ANKRD11: variants seen among roughly 807,000 people sequenced by gnomAD.
ANKRD11 encodes ankyrin repeat domain-containing protein 11.
In ANKRD11, 17 loss-of-function variants were observed where a neutral mutation model predicts 195.7. The observed-to-expected ratio is 0.09, with a 90% CI of 0.06 to 0.13. ANKRD11 has a LOEUF of 0.13. Ranked by LOEUF, ANKRD11 falls within the 10% of genes least tolerant of loss-of-function variation. The pLI is 1.00. For missense variants in ANKRD11, 3,735 were observed against 3,566.1 expected (o/e 1.05, Z -1.21); for synonymous variants, 1,953 against 1,528.1 (o/e 1.28, Z -6.49).
At chr16:89,300,843 T>C (rs777546835) in intron 4 of ANKRD11, 12 of 701,686 alleles carry the variant, frequency 1.7e-5, no homozygotes, top group Non-Finnish European at 2.9e-5. Context: ...AAGAAAATCA[T>C]AATTTTTCCC....
At position 89,305,191 on chromosome 16, in the gene ANKRD11, G is replaced by T; in HGVS notation, c.226+15C>A. ...CTGTGGAGGGCTGACTGCAGGAGGG[G>T]CCGCGGGCTGGTACCTGTGTCCGAG... On this transcript the variant is annotated intron_variant, in intron 4 of 12. Coordinates refer to ENST00000301030, the MANE Select transcript of ANKRD11 (RefSeq NM_013275.6). 6.2e-7 allele frequency: 1 copy of T among 1,609,438 alleles called. No homozygotes were observed.
Position 89,434,060 on chromosome 16 carries a change from C to T in ANKRD11, c.-144-15692G>A, listed in dbSNP as rs560840429. On this transcript the variant is annotated intron_variant, in intron 1 of 12. Transcript: ENST00000301030. ...TGTCACCTACAGAGAAGGGAGGATG[C>T]CCACCTACCCTGCCTGGCCTGCACC... Among the ~76,000 whole-genome samples, 11 of 152,244 alleles carry T rather than the reference C, an allele frequency of 7.2e-5. No homozygotes were observed. In the East Asian group the frequency reaches 1.9e-3, roughly 27 times the overall value.
At chr16:89,339,843 C>T (rs1432899784) in intron 2 of ANKRD11, 1 of 152,174 alleles carries the variant, frequency 6.6e-6, no homozygotes, top group African/African-American at 2.4e-5. Flanking sequence ...TGGGGCTAAG[C>T]ATTCCTCTCG....
intron 1 of ANKRD11, among the ~76,000 whole-genome samples, chr16:89,447,989 G>C (rs917223334): frequency 6.6e-6 from 1 of 151,506 alleles, no homozygotes; most frequent in Non-Finnish European, 1.5e-5. Flanking sequence ...ATTTTTAGTA[G>C]AGACAGGGTT....
intron 2 of ANKRD11, among the ~76,000 whole-genome samples, chr16:89,367,306 C>T (rs888777396): frequency 2.0e-5 from 3 of 152,230 alleles, no homozygotes; most frequent in African/African-American, 7.2e-5. Flanking sequence ...GCTGGCCCAG[C>T]AGTACCGGGA....
intron 1 of ANKRD11, among the ~76,000 whole-genome samples, chr16:89,445,905 AT>A (rs2043763859): frequency 6.6e-6 from 1 of 151,102 alleles, no homozygotes; most frequent in African/African-American, 2.4e-5. Context: ...AGAGGCAGAC[AT>A]TGTGGTGAGC....
intron 2 of ANKRD11, among the ~76,000 whole-genome samples, chr16:89,387,921 A>C (rs919717778): frequency 5.4e-5 from 8 of 148,180 alleles, no homozygotes; most frequent in Non-Finnish European, 8.9e-5. Context: ...GAGGCAGGAG[A>C]ATCGCTTCTT....
In ANKRD11 at chr16:89,370,244, G is replaced by A. The variant is rs184647430; in HGVS notation, c.-60+48040C>T. Among the ~76,000 whole-genome samples the A allele has an allele frequency of 2.1e-3, 319 of 152,346 alleles. 2 individuals are homozygous for A. Among genetic ancestry groups the A allele is most frequent in the African/African-American group, 7.4e-3 (308 of 41,586 alleles). ...AGGCGAGGGGAGCCCATGTCCAGGG[G>A]TGGCCAGCCTGCACTTTAGTGTGGG... is the stretch of plus-strand genomic sequence containing the variant. On this transcript the variant is annotated intron_variant, in intron 2 of 12. Coordinates refer to ENST00000301030, the MANE Select transcript of ANKRD11 (RefSeq NM_013275.6).
At chr16:89,460,622 AGC>A (rs1406560118) in intron 1 of ANKRD11, among the ~76,000 whole-genome samples, 1 of 152,172 alleles carries the variant, frequency 6.6e-6, no homozygotes, top group Non-Finnish European at 1.5e-5. Context: ...ATGTAATCTC[AGC>A]ACTATGGAAG....
chr16:89,451,613 C>T (rs539424384), intron 1 of ANKRD11, among the ~76,000 whole-genome samples: 62 of 152,092 alleles, frequency 4.1e-4, no homozygotes, highest in Non-Finnish European at 7.2e-4. Flanking sequence ...GACAGAATTT[C>T]GCAGTGTTGG....
chr16:89,304,508 A>G (rs1056939957), intron 4 of ANKRD11, among the ~76,000 whole-genome samples: 3 of 151,738 alleles, frequency 2.0e-5, no homozygotes, highest in Non-Finnish European at 4.4e-5. Context: ...GCACGCATAC[A>G]CAGGCACACA....
chr16:89,281,684 G>T lies in ANKRD11; in HGVS notation c.4858C>A (p.Leu1620Ile), dbSNP rs760243743. ...TCTGCCGGCTTCGCCTTCTCCTTGA[G>T]CTTGGGGTCTCCGGACCGGTGCCTC... ...KLRHRSGDPK[L>I]KEKAKPADDG... Residue 1620 changes from leucine to isoleucine, a missense_variant, in exon 9 of 13, where the codon CTC (leucine) becomes ATC (isoleucine). Coordinates refer to ENST00000301030, the MANE Select transcript of ANKRD11 (RefSeq NM_013275.6). This position sits in a 1 kb window ranked among gnomAD's most constrained non-coding sequence, Gnocchi z 5.5. 4 of 1,614,040 alleles carry T rather than the reference G, an allele frequency of 2.5e-6. No homozygotes were observed. The African/African-American group carries it at 5.3e-5, about 22-fold the overall frequency.
chr16:89,369,729 A>G (rs1309567960), intron 2 of ANKRD11, among the ~76,000 whole-genome samples: 1 of 152,216 alleles, frequency 6.6e-6, no homozygotes, highest in Non-Finnish European at 1.5e-5. Flanking sequence ...ACAGAACTCA[A>G]TACCCTTTCC....
At chr16:89,306,787 CT>C in intron 3 of ANKRD11, among the ~76,000 whole-genome samples, 1 of 16,620 alleles carries the variant, frequency 6.0e-5, no homozygotes, top group African/African-American at 3.6e-4. Context: ...CACGCGCCAC[CT>C]ACCTCCCACT....
intron 1 of ANKRD11, chr16:89,420,198 C>A (rs1307662809): frequency 2.0e-5 from 3 of 152,216 alleles, no homozygotes; most frequent in Non-Finnish European, 2.9e-5. Context: ...TAAAAGAGCT[C>A]AGAGAGGGGA....
chr16:89,296,653 G>A (rs1057376120), intron 4 of ANKRD11, among the ~76,000 whole-genome samples: 1 of 152,208 alleles, frequency 6.6e-6, no homozygotes, highest in African/African-American at 2.4e-5. Context: ...AGGTCCCTGG[G>A]GCTGACCCCT....
rs1356561910 is a variant in ANKRD11, at chr16:89,453,910, G to T, written c.-144-35542C>A. Among the ~76,000 whole-genome samples, 16 of 152,124 alleles carry T rather than the reference G, an allele frequency of 1.1e-4. 1 individual carries two copies. On this transcript the variant is annotated intron_variant, in intron 1 of 12. Coordinates refer to ENST00000301030, the MANE Select transcript of ANKRD11 (RefSeq NM_013275.6). ...CAACTTCTAACTTCCCTGGGCAAGT[G>T]GCCCAACTTCCTTGTGCCTCAACTG...
intron 2 of ANKRD11, among the ~76,000 whole-genome samples, chr16:89,391,021 G>C (rs1396628100): frequency 6.6e-6 from 1 of 152,118 alleles, no homozygotes; most frequent in Non-Finnish European, 1.5e-5. Flanking sequence ...GAGGTCAGGA[G>C]ATCGAGACCA....
At chr16:89,469,084 T>A (rs1311252405) in intron 1 of ANKRD11, among the ~76,000 whole-genome samples, 1 of 152,076 alleles carries the variant, frequency 6.6e-6, no homozygotes, top group African/African-American at 2.4e-5. Flanking sequence ...AGTGGACACT[T>A]TTCAATTACC....
Sources: gnomAD v4.1 joint callset for allele counts (sites outside exome capture counted in the v4.1 genomes callset) on GRCh38, gnomAD v4.1.1 for gene constraint, Gnocchi (gnomAD v3.1) non-coding constraint, MANE v1.5 for transcripts, NCBI Gene and HGNC (gene_info 2026-07-23, HGNC 2026-07-21) for gene names.